Variants in TBC1D8 observed in about 807,000 individuals in gnomAD.
TBC1D8 encodes the protein TBC1 domain family member 8.
In TBC1D8, 65 loss-of-function variants were observed where a neutral mutation model predicts 118.8. The ratio of observed to expected loss-of-function variants is 0.55; its 90% CI spans 0.45 to 0.67. TBC1D8 has a LOEUF of 0.67. Among genes scored for constraint, TBC1D8 ranks in the 30% least tolerant of loss-of-function variants. The pLI is 0.00. For missense variants in TBC1D8, 1,376 were observed against 1,471.2 expected (o/e 0.94, Z 1.06); for synonymous variants, 566 against 595.8 (o/e 0.95, Z 0.73).
At chr2:101,133,089 G>T (rs1678665908) in intron 1 of TBC1D8, among the ~76,000 whole-genome samples, 2 of 150,468 alleles carry the variant, frequency 1.3e-5, no homozygotes, top group Non-Finnish European at 3.0e-5. Context: ...GAACCCGGGA[G>T]GCGGAGGTTG....
chr2:101,123,105 G>A (rs901359815), intron 1 of TBC1D8, among the ~76,000 whole-genome samples: 3 of 152,152 alleles, frequency 2.0e-5, no homozygotes, highest in East Asian at 1.9e-4. Flanking sequence ...GCATGGTGGT[G>A]CGCACCTTGT....
At chr2:101,092,280 T>C (rs995671281) in intron 1 of TBC1D8, among the ~76,000 whole-genome samples, 4 of 152,250 alleles carry the variant, frequency 2.6e-5, no homozygotes, top group Non-Finnish European at 5.9e-5. Context: ...ATTCAGGTTA[T>C]ATATTTTCGG....
chr2:101,064,213 G>A (rs13426867), intron 2 of TBC1D8, among the ~76,000 whole-genome samples: 18,821 of 152,142 alleles, frequency 0.12, 1,335 homozygotes, highest in Non-Finnish European at 0.16. Context: ...AGTTTGGCCT[G>A]ACTGGTGTCC....
At chr2:101,056,770 G>T (rs1233008464) in intron 3 of TBC1D8, among the ~76,000 whole-genome samples, 1 of 152,196 alleles carries the variant, frequency 6.6e-6, no homozygotes, top group Non-Finnish European at 1.5e-5. Flanking sequence ...GGTACCCAGT[G>T]GCTCCTGATG....
chr2:101,040,446 A>T, intron 5 of TBC1D8, 61 bp from the exon 6 acceptor site: 1 of 1,460,254 alleles, frequency 6.8e-7, no homozygotes, highest in Non-Finnish European at 9.3e-7. Flanking sequence ...AGCCAAGATT[A>T]CAAAGGAAAA....
chr2:101,018,861 T>C (rs1679845892), intron 17 of TBC1D8: 3 of 1,120,360 alleles, frequency 2.7e-6, no homozygotes, highest in Non-Finnish European at 3.8e-6. Context: ...TTAGTATAAT[T>C]AACTAAGCAA....
intron 1 of TBC1D8, among the ~76,000 whole-genome samples, chr2:101,147,429 A>T (rs2104289576): frequency 6.6e-6 from 1 of 152,316 alleles, no homozygotes; most frequent in African/African-American, 2.4e-5. Context: ...TTACAATCCT[A>T]CCAAGTGTGA....
intron 1 of TBC1D8, among the ~76,000 whole-genome samples, chr2:101,122,096 G>A (rs1678139788): frequency 7.0e-6 from 1 of 143,868 alleles, no homozygotes; most frequent in African/African-American, 2.6e-5. Context: ...TTTCTGAGAT[G>A]GAGTCTTGCT....
At chr2:101,142,726 T>C (rs1679161391) in intron 1 of TBC1D8, among the ~76,000 whole-genome samples, 2 of 152,178 alleles carry the variant, frequency 1.3e-5, no homozygotes, top group South Asian at 4.1e-4. Context: ...AACTGAACTA[T>C]GTATTGATTA....
intron 1 of TBC1D8, among the ~76,000 whole-genome samples, chr2:101,145,149 C>G (rs1679267657): frequency 6.6e-6 from 1 of 152,116 alleles, no homozygotes. Context: ...CAATTTGTAC[C>G]TTATATTATC....
intron 17 of TBC1D8, among the ~76,000 whole-genome samples, chr2:101,013,283 T>C (rs948983269): frequency 9.2e-5 from 14 of 152,208 alleles, no homozygotes; most frequent in African/African-American, 3.4e-4. Context: ...CTATTGATGA[T>C]CAGAAGGATA....
chr2:101,028,794 G>T (rs528589309), intron 12 of TBC1D8, among the ~76,000 whole-genome samples: 2 of 152,254 alleles, frequency 1.3e-5, no homozygotes, highest in South Asian at 2.1e-4. Flanking sequence ...AACCTAGTGG[G>T]CCTTTTCCCT....
intron 2 of TBC1D8, among the ~76,000 whole-genome samples, chr2:101,074,894 G>A (rs535658314): frequency 1.7e-4 from 26 of 152,230 alleles, no homozygotes; most frequent in African/African-American, 6.3e-4. Flanking sequence ...TGACAACCCA[G>A]TAACAATGAG....
chr2:101,091,216 T>C (rs1476303441), intron 1 of TBC1D8, among the ~76,000 whole-genome samples: 1 of 151,836 alleles, frequency 6.6e-6, no homozygotes, highest in Non-Finnish European at 1.5e-5. Flanking sequence ...TCCCAGCAGG[T>C]GGAGGTTGCA....
rs188184354 is a variant in TBC1D8, at chr2:101,061,556, G to A, written c.284-2017C>T. ...TAAAGCCAGTGTTCTCATCAGAGCT[G>A]GGAGGGCCAGCCCAGGCTTCTCTCT... On this transcript the variant is annotated intron_variant, in intron 2 of 19. Coordinates refer to ENST00000409318, the MANE Select transcript of TBC1D8 (RefSeq NM_001330348.2). 8.5e-5 allele frequency among the ~76,000 whole-genome samples: 13 copies of A among 152,336 alleles called. No individual in the cohort carries two copies. The East Asian group carries it at 1.7e-3, about 20-fold the overall frequency.
intron 17 of TBC1D8, among the ~76,000 whole-genome samples, chr2:101,015,301 T>G (rs1679542741): frequency 6.6e-6 from 1 of 152,242 alleles, no homozygotes; most frequent in South Asian, 2.1e-4. Flanking sequence ...TGCAGGGCTG[T>G]GGAAGCTGTT....
chr2:101,066,851 A>G (rs532911254), intron 2 of TBC1D8, among the ~76,000 whole-genome samples: 5 of 150,630 alleles, frequency 3.3e-5, no homozygotes, highest in Admixed American at 2.7e-4. Flanking sequence ...AGGCTGAGGC[A>G]GGAGAATTTC....
At chr2:101,150,461 G>GA (rs1428069001) in intron 1 of TBC1D8, among the ~76,000 whole-genome samples, 16 of 152,006 alleles carry the variant, frequency 1.1e-4, no homozygotes, top group Non-Finnish European at 4.4e-5. Context: ...AAAACTTTTA[G>GA]AAAAAAAATG....
Position 101,021,754 on chromosome 2 carries a change from AAG to A in TBC1D8, c.2762-10_2762-9del, listed in dbSNP as rs752620380. The A allele has an allele frequency of 3.9e-6, 6 of 1,530,008 alleles. No homozygotes were observed. In the South Asian group the frequency reaches 7.1e-5, roughly 18 times the overall value. The allele number at this position is 1,530,008 out of a possible 1,614,324, so 94.8% of individuals were successfully genotyped here. A position where few individuals can be genotyped will look rare whatever the true frequency, so the allele number is the denominator to read the frequency against. Reference sequence around the variant, plus strand: ...CTCCATTATACATAATATCTGCAAAAAGTTTAAAAAGAGTGAGTTGATGCCAA... The same window carrying A: ...CTCCATTATACATAATATCTGCAAAATTTAAAAAGAGTGAGTTGATGCCAA... On this transcript the variant is annotated splice_polypyrimidine_tract_variant and intron_variant, in intron 16 of 19. Coordinates refer to ENST00000409318, the MANE Select transcript of TBC1D8 (RefSeq NM_001330348.2).
Sources: gnomAD v4.1 joint callset for allele counts (sites outside exome capture counted in the v4.1 genomes callset) on GRCh38, gnomAD v4.1.1 for gene constraint, MANE v1.5 for transcripts, NCBI Gene and HGNC (gene_info 2026-07-23, HGNC 2026-07-21) for gene names.